Variants in NRBP1 observed in about 807,000 individuals in gnomAD.
NRBP1 encodes the protein nuclear receptor-binding protein.
A neutral mutation model predicts 76.0 loss-of-function variants in NRBP1; 10 were observed. The observed-to-expected ratio is 0.13, with a 90% CI of 0.08 to 0.22. The LOEUF is 0.22. NRBP1 is among the 10% of genes least tolerant of loss of function. The probability of loss-of-function intolerance (pLI) is 1.00; values close to 1 mark genes in which losing one functional copy is unlikely to be tolerated. For synonymous variants in NRBP1, 235 were observed against 240.2 expected, an observed-to-expected ratio of 0.98 and a Z score of 0.20; for missense variants, 344 against 646.0, an observed-to-expected ratio of 0.53 and a Z score of 5.07.
chr2:27,433,382 A>G lies in NRBP1; in HGVS notation c.109A>G (p.Thr37Ala), dbSNP rs755335330. The change falls in exon 2 of 18, where the codon ACA (threonine) becomes GCA (alanine). Residue 37 changes from threonine to alanine, a missense_variant. Coordinates refer to ENST00000379852, the MANE Select transcript of NRBP1 (RefSeq NM_013392.4). ...ATCAGTGTCACCTCCTGTGACCTCC[A>G]CAACCTCAGCTGCTTCCCCAGAGGA... ...LTSVSPPVTSTTSAASPEEEE... is the reference protein window; with the variant it reads ...LTSVSPPVTSATSAASPEEEE... 1.2e-6 allele frequency: 2 copies of G among 1,614,120 alleles called. No homozygotes were observed. Among genetic ancestry groups the G allele is most frequent in the African/African-American group, 1.3e-5 (1 of 74,940 alleles).
At chr2:27,435,665 C>T (rs1664276358) in intron 7 of NRBP1, 2 of 717,542 alleles carry the variant, frequency 2.8e-6, no homozygotes, top group South Asian at 1.5e-5. Context: ...TGCTCCATCG[C>T]TCACAACTTT....
chr2:27,441,878 C>T lies in NRBP1; in HGVS notation c.*66C>T. ...CCTGGACGTGCTGCAGCCCTCCTGT[C>T]CCTTCCCCCCAGTCAGTATTACCCT... is the stretch of plus-strand genomic sequence containing the variant. On this transcript the variant is annotated 3_prime_UTR_variant, in exon 18 of 18. Coordinates refer to ENST00000379852, the MANE Select transcript of NRBP1 (RefSeq NM_013392.4). The T allele has an allele frequency of 5.4e-6, 5 of 933,826 alleles. No individual in the cohort carries two copies. The highest frequency in any genetic ancestry group is 8.5e-6 in the Non-Finnish European group (5 of 585,908). The allele number at this position is 933,826 out of a possible 1,614,324, so 57.8% of individuals were successfully genotyped here. A position where few individuals can be genotyped will look rare whatever the true frequency, so the allele number is the denominator to read the frequency against.
chr2:27,440,174 G>C, intron 11 of NRBP1: 1 of 563,216 alleles, frequency 1.8e-6, no homozygotes, highest in Non-Finnish European at 3.1e-6. Context: ...ACCATGCCTG[G>C]GTAATTTTTG....
chr2:27,440,187 CT>C (rs1664480181), intron 11 of NRBP1: 1 of 560,804 alleles, frequency 1.8e-6, no homozygotes, highest in African/African-American at 1.9e-5. Flanking sequence ...AATTTTTGTA[CT>C]TTTAGTAGAG....
intron 14 of NRBP1, 68 bp from the exon 15 acceptor site, chr2:27,441,059 C>T (rs982165622): frequency 1.3e-5 from 21 of 1,608,156 alleles, no homozygotes; most frequent in East Asian, 6.7e-5. Context: ...CCTATGGGCT[C>T]GAAAGACGTC....
chr2:27,437,183 C>T (rs1402427117), intron 9 of NRBP1, 78 bp downstream of exon 9: 26 of 1,573,548 alleles, frequency 1.7e-5, no homozygotes, highest in East Asian at 1.1e-4. Flanking sequence ...ACAAGTAAGG[C>T]GCTGGCTTGG....
At position 27,441,787 on chromosome 2, in the gene NRBP1, C is replaced by T. The variant is rs887157695; in HGVS notation, c.1583C>T (p.Ser528Leu). 3.7e-6 allele frequency: 6 copies of T among 1,612,872 alleles called. No homozygotes were observed. In the African/African-American group the frequency reaches 8.0e-5, roughly 22 times the overall value. Reference sequence around the variant, plus strand: ...TTTGCCAGGAACAGTACCCTCAACTCAGCCGCTGTCACCGTCTCCTCTTAG... The same window carrying T: ...TTTGCCAGGAACAGTACCCTCAACTTAGCCGCTGTCACCGTCTCCTCTTAG... ...FNFARNSTLN[S>L]AAVTVSS is the part of the protein sequence containing the mutation. Residue 528 changes from serine to leucine, a missense_variant, in exon 18 of 18, where the codon TCA becomes TTA. Ser to Leu is a moderately radical substitution (Grantham distance 145). Around this residue, in one of 3 missense-constraint regions of NRBP1, gnomAD observed 218 missense variants for 309.8 expected, o/e 0.70. Coordinates refer to ENST00000379852, the MANE Select transcript of NRBP1 (RefSeq NM_013392.4).
chr2:27,438,758 G>A (rs912726421), intron 10 of NRBP1, among the ~76,000 whole-genome samples: 4 of 152,094 alleles, frequency 2.6e-5, no homozygotes, highest in Admixed American at 6.6e-5. Flanking sequence ...TCAGGAGTTC[G>A]AGACTAGCCT....
At chr2:27,433,622 G>C (rs772933333) in intron 2 of NRBP1, 51 bp from the exon 3 acceptor site, 1 of 1,611,988 alleles carries the variant, frequency 6.2e-7, no homozygotes, top group Non-Finnish European at 8.5e-7. Flanking sequence ...GTGTTAAAAT[G>C]GAGGATTTGT....
chr2:27,435,465 A>C (rs1329216061), intron 7 of NRBP1: 3 of 604,334 alleles, frequency 5.0e-6, no homozygotes, highest in Non-Finnish European at 8.8e-6. Context: ...AGATACTGAT[A>C]AGAGGCTGGG....
chr2:27,442,143 A>C lies in NRBP1; in HGVS notation c.*331A>C. 1.9e-6 allele frequency: 1 copy of C among 531,952 alleles called. No homozygotes were observed. The highest frequency in any genetic ancestry group is 3.3e-6 in the Non-Finnish European group (1 of 304,300). The allele number at this position is 531,952 out of a possible 1,614,324, so 33.0% of individuals were successfully genotyped here. A position where few individuals can be genotyped will look rare whatever the true frequency, so the allele number is the denominator to read the frequency against. The stretch of plus-strand genomic sequence containing the variant: ...ACGGGCACTAGGGGAGCCGAATTCT[A>C]CAATCCCGCTGGGGCGGCCGGGGCG... On this transcript the variant is annotated 3_prime_UTR_variant, in exon 18 of 18. Coordinates refer to ENST00000379852, the MANE Select transcript of NRBP1 (RefSeq NM_013392.4).
At chr2:27,431,115 A>G (rs919685617) in intron 1 of NRBP1, among the ~76,000 whole-genome samples, 2 of 151,964 alleles carry the variant, frequency 1.3e-5, no homozygotes, top group Non-Finnish European at 2.9e-5. Context: ...CCTGGCTAAC[A>G]CGGTGAAACC....
intron 1 of NRBP1, chr2:27,429,075 G>T (rs1034636469): frequency 1.1e-5 from 2 of 178,156 alleles, no homozygotes; most frequent in Non-Finnish European, 2.3e-5. Flanking sequence ...GCGGCCCGGC[G>T]GCCTGCGGAA....
In NRBP1 at chr2:27,440,907, G is replaced by A. The variant is rs1664518070; in HGVS notation, c.1296G>A (p.Pro432=). The change falls in exon 14 of 18, where the codon CCG becomes CCA. Residue 432 remains proline (P), a synonymous_variant. Transcript: ENST00000379852. ...TCGTGCCCCCCTCTGTCAAGACTCC[G>A]ACACCTGAACCAGCTGAGGTGGAGA... ...SPVVPPSVKT[P]TPEPAEVETR... is the part of the protein sequence containing the mutation. 1.2e-6 allele frequency: 2 copies of A among 1,613,868 alleles called. No individual in the cohort carries two copies. The highest frequency in any genetic ancestry group is 1.7e-6 in the Non-Finnish European group (2 of 1,180,038).
At chr2:27,431,171 G>A (rs1291130032) in intron 1 of NRBP1, among the ~76,000 whole-genome samples, 17 of 152,076 alleles carry the variant, frequency 1.1e-4, no homozygotes, top group Admixed American at 8.5e-4. Flanking sequence ...GTGGTGGCAC[G>A]TGCCCGTAGT....
intron 12 of NRBP1, 27 bp from the exon 13 acceptor site, chr2:27,440,625 C>G (rs1430635784): frequency 6.2e-7 from 1 of 1,613,684 alleles, no homozygotes; most frequent in Non-Finnish European, 8.5e-7. Flanking sequence ...TTCTTTCCTT[C>G]CATCTCCTTT....
chr2:27,433,296 C>T lies in NRBP1; in HGVS notation c.23C>T (p.Thr8Ile). 1.9e-6 allele frequency: 3 copies of T among 1,614,036 alleles called. No individual in the cohort carries two copies. The highest frequency in any genetic ancestry group is 2.2e-5 in the South Asian group (2 of 91,070). The change falls in exon 2 of 18, where the codon ACA becomes ATA. Residue 8 changes from threonine to isoleucine, a missense_variant. Physicochemically the swap from Thr to Ile is moderately conservative, Grantham distance 89. Coordinates refer to ENST00000379852, the MANE Select transcript of NRBP1 (RefSeq NM_013392.4). Reference protein sequence around the residue: MSEGESQTVLSSGSDPKV... With the variant: MSEGESQIVLSSGSDPKV... ...AGCATGTCGGAGGGGGAGTCCCAGA[C>T]AGTACTTAGCAGTGGCTCAGACCCA...
At chr2:27,439,668 A>G in intron 10 of NRBP1, 98 bp from the exon 11 acceptor site, 3 of 1,399,098 alleles carry the variant, frequency 2.1e-6, no homozygotes, top group East Asian at 2.4e-5. Flanking sequence ...AGCACCTACT[A>G]TGTACAAAGC....
chr2:27,436,572 G>A (rs1176041558), intron 7 of NRBP1, 181 bp from the exon 8 acceptor site: 7 of 594,126 alleles, frequency 1.2e-5, no homozygotes, highest in Non-Finnish European at 2.1e-5. Context: ...TAAGAAAGGG[G>A]AGGTAGGTGG....
Sources: allele counts gnomAD v4.1 joint callset (sites outside exome capture counted in the v4.1 genomes callset), GRCh38; gene constraint gnomAD v4.1.1; regional missense constraint gnomAD v4.1.1; transcripts MANE v1.5; gene names NCBI Gene and HGNC (gene_info 2026-07-23, HGNC 2026-07-21).